Variants in CALCR observed in about 807,000 individuals in gnomAD.
The protein encoded by CALCR is calcitonin receptor.
A neutral mutation model predicts 59.5 loss-of-function variants in CALCR; 47 were observed. That is an observed-to-expected ratio of 0.79 (90% CI 0.63 to 1.01). The LOEUF (loss-of-function observed/expected upper bound fraction) is 1.01. Ranked by LOEUF, CALCR falls within the 50% of genes least tolerant of loss-of-function variation. The probability of loss-of-function intolerance (pLI) is 0.00; values close to 1 mark genes in which losing one functional copy is unlikely to be tolerated. For missense variants in CALCR, 566 were observed against 597.1 expected (o/e 0.95, Z 0.54); for synonymous variants, 213 against 211.3 (o/e 1.01, Z -0.07).
At chr7:93,534,858 G>A (rs570965260) in intron 2 of CALCR, among the ~76,000 whole-genome samples, 32 of 151,618 alleles carry the variant, frequency 2.1e-4, no homozygotes, top group African/African-American at 4.6e-4. Context: ...AATCCCATAC[G>A]GAATTATTCA....
At chr7:93,499,878 T>C (rs1377035689) in intron 2 of CALCR, among the ~76,000 whole-genome samples, 2 of 151,864 alleles carry the variant, frequency 1.3e-5, no homozygotes, top group African/African-American at 4.8e-5. Context: ...GAAACCATTC[T>C]ATAAATACCA....
At chr7:93,536,955 C>G (rs893444172) in intron 2 of CALCR, among the ~76,000 whole-genome samples, 1 of 151,656 alleles carries the variant, frequency 6.6e-6, no homozygotes. Flanking sequence ...GGTAAAGTAG[C>G]ACAATGTTTC....
intron 2 of CALCR, among the ~76,000 whole-genome samples, chr7:93,494,934 C>T (rs1369680064): frequency 6.6e-6 from 1 of 151,268 alleles, no homozygotes; most frequent in East Asian, 1.9e-4. Flanking sequence ...AGGCCAATGG[C>T]TTAGTTGAAG....
intron 2 of CALCR, among the ~76,000 whole-genome samples, chr7:93,527,263 C>T (rs1000232077): frequency 6.6e-6 from 1 of 151,170 alleles, no homozygotes; most frequent in South Asian, 2.1e-4. Flanking sequence ...TATCATTATA[C>T]TAAAATAAAC....
chr7:93,477,961 C>CAAAAAAAAAAAAAAAAA (rs71107894), intron 4 of CALCR, among the ~76,000 whole-genome samples: 6 of 54,400 alleles, frequency 1.1e-4, no homozygotes, highest in African/African-American at 2.1e-4. Context: ...GACCCTCTCT[C>CAAAAAAAAAAAAAAAAA]AAAAAAAAAA....
chr7:93,555,223 G>A (rs1339508352), intron 2 of CALCR, among the ~76,000 whole-genome samples: 2 of 152,102 alleles, frequency 1.3e-5, no homozygotes, highest in Non-Finnish European at 2.9e-5. Flanking sequence ...GAACTCCTCG[G>A]ATGAATAAAA....
intron 7 of CALCR, among the ~76,000 whole-genome samples, chr7:93,466,561 C>G (rs1168729808): frequency 1.3e-5 from 2 of 151,726 alleles, no homozygotes; most frequent in South Asian, 4.1e-4. Context: ...CTTTTCATAT[C>G]TCATTTGTCT....
chr7:93,522,592 A>C (rs1385494828), intron 2 of CALCR, among the ~76,000 whole-genome samples: 1 of 152,172 alleles, frequency 6.6e-6, no homozygotes, highest in Non-Finnish European at 1.5e-5. Flanking sequence ...AATTATTTCT[A>C]CAATAATTTA....
chr7:93,468,770 G>GACCCACA lies in CALCR; in HGVS notation c.459_465dup (p.His156CysfsTer51). ...ACTAGGGTGAAAATTGACAAAGAATGACCCACAATAGCCAAATAGTACAGA... is the reference window on the plus strand; with the variant it reads ...ACTAGGGTGAAAATTGACAAAGAATGACCCACAACCCACAATAGCCAAATAGTACAGA... On this transcript the variant is annotated frameshift_variant, in exon 7 of 14. Coordinates refer to ENST00000426151, the MANE Select transcript of CALCR (RefSeq NM_001742.4). LOFTEE classifies it high-confidence loss of function. 6.2e-7 allele frequency: 1 copy of GACCCACA among 1,610,672 alleles called. No individual in the cohort carries two copies. Among genetic ancestry groups the GACCCACA allele is most frequent in the Non-Finnish European group, 8.5e-7 (1 of 1,177,986 alleles).
chr7:93,430,326 T>C (rs1323367377), intron 13 of CALCR, among the ~76,000 whole-genome samples: 1 of 152,206 alleles, frequency 6.6e-6, no homozygotes, highest in Non-Finnish European at 1.5e-5. Context: ...ATTTACAAAG[T>C]TGTTGTCAAC....
At chr7:93,428,321 C>T (rs2115652217) in intron 13 of CALCR, among the ~76,000 whole-genome samples, 1 of 152,268 alleles carries the variant, frequency 6.6e-6, no homozygotes, top group African/African-American at 2.4e-5. Context: ...TGCAATGTGT[C>T]CAAAATCATA....
chr7:93,437,895 G>GT (rs918444342), intron 11 of CALCR, among the ~76,000 whole-genome samples, 165 bp downstream of exon 11: 6 of 151,904 alleles, frequency 3.9e-5, no homozygotes, highest in African/African-American at 1.5e-4. Flanking sequence ...AGTAAAAGGC[G>GT]TTTTTTTGAA....
chr7:93,470,456 G>A (rs938018421), intron 6 of CALCR, among the ~76,000 whole-genome samples: 1 of 151,312 alleles, frequency 6.6e-6, no homozygotes. Flanking sequence ...CTCTTCTGTC[G>A]GTCTTTTAAA....
intron 8 of CALCR, among the ~76,000 whole-genome samples, chr7:93,455,923 A>T (rs1800200948): frequency 6.6e-6 from 1 of 152,144 alleles, no homozygotes; most frequent in Admixed American, 6.6e-5. Context: ...TTCAAGGATG[A>T]ATAATGTATA....
At chr7:93,493,179 T>C (rs1357899373) in intron 2 of CALCR, among the ~76,000 whole-genome samples, 1 of 151,394 alleles carries the variant, frequency 6.6e-6, no homozygotes, top group Non-Finnish European at 1.5e-5. Flanking sequence ...CAAAATTGCA[T>C]ACACATGTTT....
intron 8 of CALCR, among the ~76,000 whole-genome samples, chr7:93,456,767 G>C (rs1434228077): frequency 6.6e-6 from 1 of 152,144 alleles, no homozygotes; most frequent in Non-Finnish European, 1.5e-5. Flanking sequence ...TGCTAGTCAT[G>C]TCATAAAGAT....
Position 93,433,172 on chromosome 7 carries a change from G to A in CALCR, c.1191+1081C>T, listed in dbSNP as rs1267376348. ...ACAGGTCACAGAATAGCAAAATATT[G>A]TAGGTGCTCACTAAATATTATTTAA... On this transcript the variant is annotated intron_variant, in intron 13 of 13. Coordinates refer to ENST00000426151, the MANE Select transcript of CALCR (RefSeq NM_001742.4). 2.6e-5 allele frequency among the ~76,000 whole-genome samples: 4 copies of A among 152,302 alleles called. No individual in the cohort carries two copies. In the East Asian group the frequency reaches 5.8e-4, roughly 22 times the overall value.
chr7:93,467,869 C>T (rs1184491007), intron 7 of CALCR, among the ~76,000 whole-genome samples: 1 of 151,428 alleles, frequency 6.6e-6, no homozygotes, highest in Non-Finnish European at 1.5e-5. Context: ...TGAATCCAGG[C>T]ACCTTACATG....
chr7:93,542,430 C>G (rs1036353003), intron 2 of CALCR, among the ~76,000 whole-genome samples: 1 of 152,050 alleles, frequency 6.6e-6, no homozygotes, highest in African/African-American at 2.4e-5. Flanking sequence ...ATAAATGGAG[C>G]TTACAGGACT....
Sources: gnomAD v4.1 joint callset for allele counts (sites outside exome capture counted in the v4.1 genomes callset) on GRCh38, gnomAD v4.1.1 for gene constraint, MANE v1.5 for transcripts, NCBI Gene and HGNC (gene_info 2026-07-23, HGNC 2026-07-21) for gene names.